EDNRB: variants seen among roughly 807,000 people sequenced by gnomAD.
The protein encoded by EDNRB is endothelin receptor type B.
Under a neutral mutation model 46.4 loss-of-function variants are expected in EDNRB, and 18 were observed. The observed-to-expected ratio is 0.39, with a 90% CI of 0.27 to 0.57. The LOEUF (loss-of-function observed/expected upper bound fraction) is 0.57. Ranked by LOEUF, EDNRB falls within the 20% of genes least tolerant of loss-of-function variation. EDNRB has a pLI of 0.61. For missense variants in EDNRB, 434 were observed against 537.5 expected (o/e 0.81, Z 1.90); for synonymous variants, 213 against 204.9 (o/e 1.04, Z -0.34).
chr13:77,920,259 G>A (rs888496902), upstream of EDNRB, among the ~76,000 whole-genome samples: 2 of 152,202 alleles, frequency 1.3e-5, no homozygotes, highest in Admixed American at 1.3e-4. Context: ...TTACCAGGTA[G>A]AGCAATACAA....
intron 1 of EDNRB, among the ~76,000 whole-genome samples, chr13:77,928,133 A>G (rs1358240102): frequency 6.6e-6 from 1 of 152,250 alleles, no homozygotes; most frequent in East Asian, 1.9e-4. Flanking sequence ...GTGTGAGAAC[A>G]GACTAATACA....
At position 77,952,085 on chromosome 13, in the gene EDNRB, C is replaced by T. The variant is rs548054198; in HGVS notation, c.-52+23262G>A. Among the ~76,000 whole-genome samples, 58 of 152,248 alleles carry T rather than the reference C, an allele frequency of 3.8e-4. 2 individuals carry two copies. The South Asian group carries it at 0.012, about 31-fold the overall frequency. On this transcript the variant is annotated intron_variant, in intron 1 of 7. Transcript: ENST00000646948. ...AGGGAAGAGGTCCCGATCCAGATCCCAAGAGAGGGCTCTTGGATCTCATGC... is the reference window on the plus strand; with the variant it reads ...AGGGAAGAGGTCCCGATCCAGATCCTAAGAGAGGGCTCTTGGATCTCATGC...
chr13:77,961,336 C>G (rs1326034449), intron 1 of EDNRB, among the ~76,000 whole-genome samples: 2 of 151,782 alleles, frequency 1.3e-5, no homozygotes, highest in African/African-American at 4.8e-5. Flanking sequence ...CCCAAATCAA[C>G]AGAATATACT....
chr13:77,914,548 G>A (rs1166096886), intron 1 of EDNRB, among the ~76,000 whole-genome samples: 3 of 152,116 alleles, frequency 2.0e-5, no homozygotes, highest in Admixed American at 6.5e-5. Context: ...CGTAAGCAAC[G>A]CTTATTATTT....
chr13:77,937,939 G>A (rs766363748), intron 1 of EDNRB, among the ~76,000 whole-genome samples: 7 of 152,106 alleles, frequency 4.6e-5, no homozygotes, highest in Non-Finnish European at 8.8e-5. Flanking sequence ...CAGGCATTTC[G>A]ACTGTTTGCA....
chr13:77,957,667 G>C (rs1272463158), intron 1 of EDNRB, among the ~76,000 whole-genome samples: 2 of 152,186 alleles, frequency 1.3e-5, no homozygotes, highest in Non-Finnish European at 2.9e-5. Context: ...ATAAATGTCA[G>C]CTTTTATTTT....
intron 1 of EDNRB, among the ~76,000 whole-genome samples, chr13:77,949,265 T>C (rs1409745383): frequency 6.6e-6 from 1 of 152,088 alleles, no homozygotes; most frequent in Non-Finnish European, 1.5e-5. Context: ...GTAGCATTCA[T>C]TTGTGCTGAT....
chr13:77,929,636 A>T (rs1880333847), intron 1 of EDNRB, among the ~76,000 whole-genome samples: 1 of 152,190 alleles, frequency 6.6e-6, no homozygotes, highest in Non-Finnish European at 1.5e-5. Flanking sequence ...TGACTATTCC[A>T]ACACTTTCAT....
intron 1 of EDNRB, among the ~76,000 whole-genome samples, chr13:77,908,003 T>C (rs1879367874): frequency 1.6e-5 from 2 of 123,820 alleles, no homozygotes; most frequent in South Asian, 5.3e-4. Flanking sequence ...GTCTACACTT[T>C]TGAAGGGAAA....
chr13:77,917,824 T>C lies in EDNRB; in HGVS notation c.483+267A>G, dbSNP rs147860607. On this transcript the variant is annotated intron_variant, in intron 1 of 6. Coordinates refer to ENST00000646607, the MANE Select transcript of EDNRB (RefSeq NM_001122659.3). ...GTGCACCAAGTTCCCAAAGTGATAC[T>C]AACATTGCTAGACTGGGGACTACGC... 3.9e-5 allele frequency among the ~76,000 whole-genome samples: 6 copies of C among 152,326 alleles called. No homozygotes were observed. The East Asian group carries it at 1.2e-3, about 29-fold the overall frequency.
At chr13:77,924,993 T>C (rs761403562) in intron 1 of EDNRB, among the ~76,000 whole-genome samples, 6 of 152,164 alleles carry the variant, frequency 3.9e-5, no homozygotes, top group Non-Finnish European at 8.8e-5. Context: ...AATTACCCTA[T>C]CCCAGATATA....
At chr13:77,901,619 G>A (rs1878989821) in intron 3 of EDNRB, among the ~76,000 whole-genome samples, 1 of 151,890 alleles carries the variant, frequency 6.6e-6, no homozygotes, top group African/African-American at 2.4e-5. Context: ...TGTTTAATGG[G>A]AACAACAGAT....
intron 1 of EDNRB, among the ~76,000 whole-genome samples, chr13:77,958,665 C>A (rs1247935804): frequency 6.6e-6 from 1 of 152,156 alleles, no homozygotes; most frequent in African/African-American, 2.4e-5. Flanking sequence ...TGAGCCACTG[C>A]CCCCAGCCCC....
upstream of EDNRB, among the ~76,000 whole-genome samples, chr13:77,923,016 A>C (rs532945876): frequency 6.6e-6 from 1 of 152,200 alleles, no homozygotes; most frequent in Non-Finnish European, 1.5e-5. Context: ...AAATGAGAGA[A>C]TCTGACATTT....
intron 1 of EDNRB, among the ~76,000 whole-genome samples, chr13:77,974,548 A>ACACTTTTTTTCTT (rs1271031255): frequency 1.3e-5 from 2 of 152,122 alleles, no homozygotes; most frequent in African/African-American, 4.8e-5. Flanking sequence ...GGAATAGGGT[A>ACACTTTTTTTCTT]CACTTTTTTT....
At chr13:77,927,237 G>A (rs528443752) in intron 1 of EDNRB, among the ~76,000 whole-genome samples, 38 of 152,292 alleles carry the variant, frequency 2.5e-4, no homozygotes, top group African/African-American at 8.7e-4. Context: ...GGATCATTGA[G>A]CCCTCAGGTC....
In EDNRB at chr13:77,918,753, G is replaced by C; in HGVS notation, c.-180C>G. 1.7e-5 allele frequency: 23 copies of C among 1,334,394 alleles called. No individual in the cohort carries two copies. Among genetic ancestry groups the C allele is most frequent in the Non-Finnish European group, 2.2e-5 (23 of 1,047,944 alleles). The allele number at this position is 1,334,394 out of a possible 1,614,324, so 82.7% of individuals were successfully genotyped here. On this transcript the variant is annotated 5_prime_UTR_variant, in exon 1 of 7. Transcript: ENST00000646607. The surrounding 1 kb of genome is among the most constrained non-coding windows in gnomAD (Gnocchi z 4.5). ...GCTCAAAAGTAACTCAAGTTTGCGC[G>C]CCAGTGGGAAACTTGGCGCTCATGA...
At chr13:77,910,700 C>G (rs1325591290) in intron 1 of EDNRB, among the ~76,000 whole-genome samples, 1 of 151,844 alleles carries the variant, frequency 6.6e-6, no homozygotes, top group Non-Finnish European at 1.5e-5. Context: ...TTAGCTTATC[C>G]CCCAGGGGTG....
At chr13:77,919,075 G>A, upstream of EDNRB, 1 of 495,234 alleles carries the variant, frequency 2.0e-6, no homozygotes, top group Non-Finnish European at 3.2e-6. Context: ...CCCCGCGATT[G>A]AACTCGAAAG....
Sources: gnomAD v4.1 joint callset for allele counts (sites outside exome capture counted in the v4.1 genomes callset) on GRCh38, gnomAD v4.1.1 for gene constraint, Gnocchi (gnomAD v3.1) non-coding constraint, MANE v1.5 for transcripts, NCBI Gene and HGNC (gene_info 2026-07-23, HGNC 2026-07-21) for gene names.